Variants in TRERF1 observed in about 807,000 individuals in gnomAD.
TRERF1 encodes the protein transcriptional-regulating factor 1.
Under a neutral mutation model 122.9 loss-of-function variants are expected in TRERF1, and 27 were observed. The observed-to-expected ratio is 0.22, with a 90% CI of 0.16 to 0.30. The LOEUF (loss-of-function observed/expected upper bound fraction) is 0.30, where lower values mean the gene tolerates loss of function less well. Ranked by LOEUF, TRERF1 falls within the 10% of genes least tolerant of loss-of-function variation. The pLI is 1.00. For missense variants in TRERF1, 1,248 were observed against 1,560.3 expected (o/e 0.80, Z 3.37); for synonymous variants, 636 against 641.7 (o/e 0.99, Z 0.13).
At chr6:42,376,536 CTTTT>C (rs781389630) in intron 2 of TRERF1, among the ~76,000 whole-genome samples, 2 of 96,314 alleles carry the variant, frequency 2.1e-5, no homozygotes, top group African/African-American at 9.0e-5. Flanking sequence ...TCGTCTAATT[CTTTT>C]TTTTTTTTTT....
chr6:42,287,224 A>AT (rs1783413441), intron 4 of TRERF1, among the ~76,000 whole-genome samples: 2 of 150,008 alleles, frequency 1.3e-5, no homozygotes, highest in African/African-American at 4.9e-5. Context: ...GCGCACCAGC[A>AT]TGGCACATGT....
At chr6:42,342,610 G>A (rs755594648) in intron 3 of TRERF1, among the ~76,000 whole-genome samples, 5 of 152,312 alleles carry the variant, frequency 3.3e-5, no homozygotes, top group Non-Finnish European at 7.3e-5. Flanking sequence ...TGCTGTCAAA[G>A]TCTAGCCTAA....
At chr6:42,416,098 T>C (rs1424097353) in intron 2 of TRERF1, among the ~76,000 whole-genome samples, 3 of 152,192 alleles carry the variant, frequency 2.0e-5, no homozygotes, top group African/African-American at 7.2e-5. Flanking sequence ...TCTTCCATCA[T>C]ATTTTCTAGC....
intron 3 of TRERF1, among the ~76,000 whole-genome samples, chr6:42,312,174 G>A (rs1582970473): frequency 6.6e-6 from 1 of 152,062 alleles, no homozygotes; most frequent in South Asian, 2.1e-4. Flanking sequence ...TTAACAGGAG[G>A]AAAAAAGGGC....
At chr6:42,366,692 A>G (rs1291935501) in intron 2 of TRERF1, among the ~76,000 whole-genome samples, 5 of 152,212 alleles carry the variant, frequency 3.3e-5, no homozygotes, top group Non-Finnish European at 7.3e-5. Context: ...AACAGTCAGG[A>G]CTGGGCAACC....
At chr6:42,353,037 C>T (rs1227114018) in intron 3 of TRERF1, among the ~76,000 whole-genome samples, 1 of 152,082 alleles carries the variant, frequency 6.6e-6, no homozygotes, top group African/African-American at 2.4e-5. Flanking sequence ...TGCAGTGACT[C>T]AAACCTGTAA....
At chr6:42,262,609 C>G (rs3997685) in intron 8 of TRERF1, among the ~76,000 whole-genome samples, 7,212 of 18,170 alleles carry the variant, frequency 0.4, 1,767 homozygotes, top group African/African-American at 0.49. Context: ...GACAGACAGA[C>G]GGAAACCCTT....
chr6:42,350,474 GCCA>G (rs2150817848), intron 3 of TRERF1, among the ~76,000 whole-genome samples: 1 of 152,330 alleles, frequency 6.6e-6, no homozygotes, highest in South Asian at 2.1e-4. Context: ...GTCATCAGAT[GCCA>G]CCTCTCAGCC....
At chr6:42,384,816 T>G (rs1470861279) in intron 2 of TRERF1, among the ~76,000 whole-genome samples, 5 of 152,096 alleles carry the variant, frequency 3.3e-5, no homozygotes, top group African/African-American at 1.2e-4. Context: ...TTGGGTTTTT[T>G]TTTTTCAAGA....
intron 2 of TRERF1, among the ~76,000 whole-genome samples, chr6:42,415,964 T>C (rs1008607339): frequency 6.6e-6 from 1 of 152,128 alleles, no homozygotes; most frequent in East Asian, 1.9e-4. Flanking sequence ...CAAGATTATA[T>C]TATTTTTCTC....
intron 3 of TRERF1, among the ~76,000 whole-genome samples, chr6:42,302,272 CTG>C (rs997672237): frequency 6.6e-6 from 1 of 152,080 alleles, no homozygotes; most frequent in Non-Finnish European, 1.5e-5. Flanking sequence ...AATCCTTTGT[CTG>C]TGACAGCTAG....
intron 17 of TRERF1, among the ~76,000 whole-genome samples, chr6:42,229,429 C>T (rs1225329012): frequency 2.0e-5 from 3 of 152,188 alleles, no homozygotes; most frequent in Non-Finnish European, 2.9e-5. Context: ...TGAACCACTG[C>T]GCCCAACCCA....
chr6:42,258,019 G>T, intron 10 of TRERF1, 116 bp downstream of exon 10: 1 of 884,476 alleles, frequency 1.1e-6, no homozygotes. Context: ...AAATAACCAC[G>T]ATCCTACAAT....
At chr6:42,233,366 A>G (rs950137296) in intron 16 of TRERF1, among the ~76,000 whole-genome samples, 1 of 150,690 alleles carries the variant, frequency 6.6e-6, no homozygotes, top group Non-Finnish European at 1.5e-5. Context: ...GCTCACTGCA[A>G]GCTCCGCCTC....
At chr6:42,381,157 G>C (rs928671823) in intron 2 of TRERF1, among the ~76,000 whole-genome samples, 1 of 152,082 alleles carries the variant, frequency 6.6e-6, no homozygotes, top group East Asian at 1.9e-4. Flanking sequence ...GGGGCTTCCT[G>C]AGGACAGAGG....
intron 3 of TRERF1, among the ~76,000 whole-genome samples, chr6:42,341,673 G>A (rs1259633390): frequency 1.3e-5 from 2 of 152,156 alleles, no homozygotes; most frequent in Non-Finnish European, 2.9e-5. Context: ...TCTACCCCTA[G>A]CATGGCTCCC....
chr6:42,314,336 C>A (rs1286780028), intron 3 of TRERF1, among the ~76,000 whole-genome samples: 3 of 152,180 alleles, frequency 2.0e-5, no homozygotes, highest in Non-Finnish European at 4.4e-5. Context: ...CTACCCTGAT[C>A]GAACTCTTCA....
intron 13 of TRERF1, among the ~76,000 whole-genome samples, chr6:42,247,448 G>A (rs550101527): frequency 6.6e-6 from 1 of 152,296 alleles, no homozygotes; most frequent in Admixed American, 6.5e-5. Flanking sequence ...AGGATGATGA[G>A]CCCATTTGAC....
At chr6:42,427,674 C>T (rs1198848935) in intron 2 of TRERF1, among the ~76,000 whole-genome samples, 4 of 151,660 alleles carry the variant, frequency 2.6e-5, no homozygotes, top group African/African-American at 4.8e-5. Context: ...CTCAGCCTCC[C>T]GAGTAGCTGG....
Sources: gnomAD v4.1 joint callset for allele counts (sites outside exome capture counted in the v4.1 genomes callset) on GRCh38, gnomAD v4.1.1 for gene constraint, MANE v1.5 for transcripts, NCBI Gene and HGNC (gene_info 2026-07-23, HGNC 2026-07-21) for gene names.